SH3PXD2B: variants seen among roughly 807,000 people sequenced by gnomAD.
SH3PXD2B encodes SH3 and PX domain-containing protein 2B.
A neutral mutation model predicts 73.1 loss-of-function variants in SH3PXD2B; 37 were observed. That is an observed-to-expected ratio of 0.51 (90% CI 0.39 to 0.67). The LOEUF is 0.67. Ranked by LOEUF, SH3PXD2B falls within the 30% of genes least tolerant of loss-of-function variation. The pLI, the probability that SH3PXD2B is intolerant of heterozygous loss-of-function variation, is 0.00. For missense variants in SH3PXD2B, 1,053 were observed against 1,197.8 expected (o/e 0.88, Z 1.78); for synonymous variants, 457 against 480.5 (o/e 0.95, Z 0.64).
chr5:172,334,697 G>T lies in SH3PXD2B; in HGVS notation c.*3672C>A, dbSNP rs559045599. On this transcript the variant is annotated 3_prime_UTR_variant, in exon 13 of 13. Coordinates refer to ENST00000311601, the MANE Select transcript of SH3PXD2B (RefSeq NM_001017995.3). ...ATGTCAAGTTGCCAGCTACTGGAAG[G>T]CAGGAGCAGTTTCTTCTTTTTCCCA... is the stretch of plus-strand genomic sequence containing the variant. The T allele has an allele frequency of 9.1e-5, 90 of 985,420 alleles. No individual in the cohort carries two copies. The highest frequency in any genetic ancestry group is 1.1e-4 in the Non-Finnish European group (89 of 830,020). 61.0% of individuals were successfully genotyped at this position (985,420 alleles called of 1,614,324 possible).
intron 4 of SH3PXD2B, among the ~76,000 whole-genome samples, chr5:172,391,086 C>G (rs1277614260): frequency 6.6e-6 from 1 of 152,064 alleles, no homozygotes; most frequent in African/African-American, 2.4e-5. Flanking sequence ...GGTGATCCAC[C>G]CGCCTCAGCC....
chr5:172,367,018 C>A (rs1203244970), intron 6 of SH3PXD2B, among the ~76,000 whole-genome samples: 2 of 144,862 alleles, frequency 1.4e-5, no homozygotes, highest in African/African-American at 5.2e-5. Flanking sequence ...CTCACTGCAA[C>A]CTCTGCCCCC....
intron 1 of SH3PXD2B, among the ~76,000 whole-genome samples, chr5:172,437,409 C>T (rs1759418808): frequency 6.6e-6 from 1 of 152,170 alleles, no homozygotes; most frequent in Non-Finnish European, 1.5e-5. Context: ...AGCATCACCA[C>T]CAGAAGTGCT....
intron 12 of SH3PXD2B, among the ~76,000 whole-genome samples, chr5:172,340,417 G>A (rs1171366599): frequency 6.6e-6 from 1 of 152,106 alleles, no homozygotes; most frequent in Non-Finnish European, 1.5e-5. Context: ...GGAAGCTGTC[G>A]GCTTGCAGGG....
intron 3 of SH3PXD2B, among the ~76,000 whole-genome samples, chr5:172,402,528 G>A (rs998047039): frequency 2.0e-5 from 3 of 152,182 alleles, no homozygotes; most frequent in South Asian, 4.1e-4. Flanking sequence ...AGGGCATCAC[G>A]GAACCTGCCG....
intron 1 of SH3PXD2B, among the ~76,000 whole-genome samples, chr5:172,439,429 A>G (rs1759492148): frequency 6.6e-6 from 1 of 152,008 alleles, no homozygotes; most frequent in Admixed American, 6.5e-5. Flanking sequence ...AAATGGAGAG[A>G]ACAGTACCTA....
At chr5:172,405,372 T>A (rs1007380230) in intron 3 of SH3PXD2B, among the ~76,000 whole-genome samples, 1 of 152,224 alleles carries the variant, frequency 6.6e-6, no homozygotes, top group African/African-American at 2.4e-5. Context: ...AGTCAGGTAA[T>A]AATTGTATGA....
At chr5:172,325,459 C>A in intron 12 of SH3PXD2B, 1 of 935,474 alleles carries the variant, frequency 1.1e-6, no homozygotes, top group Non-Finnish European at 1.6e-6. Context: ...GGGACTTTGT[C>A]TGTTTGTCTA....
chr5:172,344,990 G>GAAGGAGGGAGGAAAGAGAGAAGGAGGGA (rs1202556650), intron 12 of SH3PXD2B, among the ~76,000 whole-genome samples: 11 of 149,778 alleles, frequency 7.3e-5, no homozygotes, highest in Admixed American at 1.3e-4. Flanking sequence ...AAAGAAGGAG[G>GAAGGAGGGAGGAAAGAGAGAAGGAGGGA]AAGGAGGGAG....
intron 7 of SH3PXD2B, among the ~76,000 whole-genome samples, chr5:172,361,194 C>T (rs777767498): frequency 1.3e-4 from 19 of 151,978 alleles, no homozygotes; most frequent in Admixed American, 3.3e-4. Flanking sequence ...TATGTTCACA[C>T]GTACACACAC....
intron 6 of SH3PXD2B, among the ~76,000 whole-genome samples, chr5:172,368,032 ATTCACTT>A (rs1278988873): frequency 3.3e-5 from 5 of 152,206 alleles, no homozygotes; most frequent in Non-Finnish European, 5.9e-5. Context: ...GTCAAACCTA[ATTCACTT>A]ATATCTTTGG....
chr5:172,336,203 A>G lies in SH3PXD2B; in HGVS notation c.*2166T>C, dbSNP rs1291969724. ...AAGGCAAAGAGCAAATCAGAAAAAAACATGTGTTTTGTCTTTTGAAATGCA... is the reference window on the plus strand; with the variant it reads ...AAGGCAAAGAGCAAATCAGAAAAAAGCATGTGTTTTGTCTTTTGAAATGCA... On this transcript the variant is annotated 3_prime_UTR_variant, in exon 13 of 13. Transcript: ENST00000311601. The G allele has an allele frequency of 1.0e-6, 1 of 985,484 alleles. No individual in the cohort carries two copies. Among genetic ancestry groups the G allele is most frequent in the Non-Finnish European group, 1.2e-6 (1 of 830,030 alleles). The allele number at this position is 985,484 out of a possible 1,614,324, so 61.0% of individuals were successfully genotyped here.
intron 4 of SH3PXD2B, among the ~76,000 whole-genome samples, chr5:172,392,772 G>A (rs997840013): frequency 2.6e-5 from 4 of 152,220 alleles, no homozygotes; most frequent in South Asian, 2.1e-4. Flanking sequence ...GCAACAGGGC[G>A]AGACTCCATC....
Position 172,349,002 on chromosome 5 carries a change from T to C in SH3PXD2B, c.1012+1361A>G, listed in dbSNP as rs139570872. Among the ~76,000 whole-genome samples the C allele has an allele frequency of 1.8e-3, 275 of 152,304 alleles. 4 individuals are homozygous for C. In the East Asian group the frequency reaches 0.045, roughly 25 times the overall value. ...CACTGGGATTACAGTCGTGAGCCAC[T>C]GTGCCCAGCCTGAACCTATATACTA... is the stretch of plus-strand genomic sequence containing the variant. On this transcript the variant is annotated intron_variant, in intron 10 of 12. Coordinates refer to ENST00000311601, the MANE Select transcript of SH3PXD2B (RefSeq NM_001017995.3).
intron 8 of SH3PXD2B, among the ~76,000 whole-genome samples, chr5:172,357,118 C>CA (rs59461760): frequency 0.21 from 12,575 of 58,750 alleles, 1,356 homozygotes; most frequent in Middle Eastern, 0.39. Flanking sequence ...GACCCCATCT[C>CA]AAAAAAAAAA....
intron 1 of SH3PXD2B, among the ~76,000 whole-genome samples, chr5:172,432,655 G>A (rs776356380): frequency 1.1e-4 from 16 of 152,120 alleles, no homozygotes; most frequent in Non-Finnish European, 2.1e-4. Context: ...GGTGCGGTCC[G>A]CCTGTAATCC....
In SH3PXD2B at chr5:172,350,449, G is replaced by A. The variant is rs755251609; in HGVS notation, c.926C>T (p.Ala309Val). Reference sequence around the variant, plus strand: ...GAGCAGCTCCTTCTCCCTGCCCACCGCGTTCTGCTGCCGGGAAACACCATC... The same window carrying A: ...GAGCAGCTCCTTCTCCCTGCCCACCACGTTCTGCTGCCGGGAAACACCATC... ...DLDGVSRQQNAVGREKELLSS... is the reference protein window; with the variant it reads ...DLDGVSRQQNVVGREKELLSS... Residue 309 changes from alanine to valine, a missense_variant, in exon 10 of 13, where the codon GCG becomes GTG. By Grantham distance (64) the Ala-to-Val change is moderately conservative. This residue lies in a region of SH3PXD2B where 466 missense variants were observed against 607.1 expected (regional missense o/e 0.77). Coordinates refer to ENST00000311601, the MANE Select transcript of SH3PXD2B (RefSeq NM_001017995.3). 6.3e-5 allele frequency: 101 copies of A among 1,613,990 alleles called. No individual in the cohort carries two copies. Among genetic ancestry groups the A allele is most frequent in the African/African-American group, 1.2e-4 (9 of 74,922 alleles).
chr5:172,349,087 T>C (rs1757094894), intron 10 of SH3PXD2B, among the ~76,000 whole-genome samples: 1 of 152,182 alleles, frequency 6.6e-6, no homozygotes, highest in Admixed American at 6.5e-5. Flanking sequence ...GGAATACATC[T>C]AACCTCTTGG....
In SH3PXD2B at chr5:172,338,214, A is replaced by G; in HGVS notation, c.*155T>C. 6.5e-7 allele frequency: 1 copy of G among 1,531,562 alleles called. No individual in the cohort carries two copies. Among genetic ancestry groups the G allele is most frequent in the Non-Finnish European group, 8.8e-7 (1 of 1,140,616 alleles). The allele number at this position is 1,531,562 out of a possible 1,614,324, so 94.9% of individuals were successfully genotyped here. Reference sequence around the variant, plus strand: ...GCCCAGGGGCGCCCGAGGTGTCCGAAACTCACTCTCCACCCATGGGAGGCA... The same window carrying G: ...GCCCAGGGGCGCCCGAGGTGTCCGAGACTCACTCTCCACCCATGGGAGGCA... On this transcript the variant is annotated 3_prime_UTR_variant, in exon 13 of 13. Coordinates refer to ENST00000311601, the MANE Select transcript of SH3PXD2B (RefSeq NM_001017995.3). The surrounding 1 kb of genome is among the most constrained non-coding windows in gnomAD (Gnocchi z 5.1).
Sources: gnomAD v4.1 joint callset for allele counts (sites outside exome capture counted in the v4.1 genomes callset) on GRCh38, gnomAD v4.1.1 for gene constraint, gnomAD v4.1.1 regional missense constraint, Gnocchi (gnomAD v3.1) non-coding constraint, MANE v1.5 for transcripts, NCBI Gene and HGNC (gene_info 2026-07-23, HGNC 2026-07-21) for gene names.